Variants in LMNB1 observed in about 807,000 individuals in gnomAD.
LMNB1 encodes lamin-B1.
Under a neutral mutation model 67.1 loss-of-function variants are expected in LMNB1, and 23 were observed. The observed-to-expected ratio is 0.34, with a 90% CI of 0.25 to 0.49. LMNB1 has a LOEUF of 0.49. Among genes scored for constraint, LMNB1 ranks in the 20% least tolerant of loss-of-function variants. The probability of loss-of-function intolerance (pLI) is 0.99; values close to 1 mark genes in which losing one functional copy is unlikely to be tolerated. For synonymous variants in LMNB1, 281 were observed against 282.9 expected, an observed-to-expected ratio of 0.99 and a Z score of 0.07; for missense variants, 634 against 746.5, an observed-to-expected ratio of 0.85 and a Z score of 1.76.
intron 1 of LMNB1, among the ~76,000 whole-genome samples, chr5:126,779,057 ATTTC>A (rs1750557064): frequency 1.3e-5 from 2 of 152,126 alleles, no homozygotes; most frequent in African/African-American, 4.8e-5. Flanking sequence ...GCCAGCTGAA[ATTTC>A]TGGAGGTACC....
chr5:126,834,559 A>ATGGTGATCT (rs1752206339), intron 10 of LMNB1, among the ~76,000 whole-genome samples: 1 of 152,274 alleles, frequency 6.6e-6, no homozygotes, highest in Admixed American at 6.5e-5. Context: ...CAAAGAATTC[A>ATGGTGATCT]TGGTGATCTT....
intron 5 of LMNB1, among the ~76,000 whole-genome samples, chr5:126,816,773 T>G (rs1224003520): frequency 6.6e-6 from 1 of 152,236 alleles, no homozygotes; most frequent in East Asian, 1.9e-4. Flanking sequence ...TTCACGTGAT[T>G]AGACTGGGGT....
intron 1 of LMNB1, among the ~76,000 whole-genome samples, chr5:126,800,982 A>ATATATATATATATATATTATTTTTTTTTT: frequency 5.4e-5 from 1 of 18,632 alleles, no homozygotes; most frequent in Admixed American, 9.5e-4. Flanking sequence ...TATATATATA[A>ATATATATATATATATATTATTTTTTTTTT]TTTTTTTTTT....
rs1032609414 is a variant in LMNB1 at position 126,791,388 on chromosome 5, A to C, written c.360-13388A>C. Among the ~76,000 whole-genome samples the C allele has an allele frequency of 4.6e-5, 7 of 151,936 alleles. 1 individual carries two copies. The highest frequency in any genetic ancestry group is 1.7e-4 in the African/African-American group (7 of 41,296). On this transcript the variant is annotated intron_variant, in intron 1 of 10. Transcript: ENST00000261366. ...CTTTTTTAAAAAATATTTTTTCTCT[A>C]CTAAGAGATGTTCTCAATTTTGTTT...
At chr5:126,790,432 A>G (rs1310589672) in intron 1 of LMNB1, among the ~76,000 whole-genome samples, 1 of 152,134 alleles carries the variant, frequency 6.6e-6, no homozygotes, top group African/African-American at 2.4e-5. Flanking sequence ...ATTTGTGCAG[A>G]ATGCAGGAGT....
chr5:126,830,423 A>C (rs1274616647), intron 9 of LMNB1, among the ~76,000 whole-genome samples: 1 of 151,668 alleles, frequency 6.6e-6, no homozygotes, highest in Non-Finnish European at 1.5e-5. Context: ...CTTGATCTAA[A>C]CCTCCCAACA....
At chr5:126,834,770 G>A (rs182193503) in intron 10 of LMNB1, among the ~76,000 whole-genome samples, 25 of 152,262 alleles carry the variant, frequency 1.6e-4, no homozygotes, top group Non-Finnish European at 3.1e-4. Flanking sequence ...CAGCTACTCG[G>A]GAGGCTGAGG....
intron 1 of LMNB1, among the ~76,000 whole-genome samples, chr5:126,795,130 C>CTTTTTTTTTTTTT (rs55837872): frequency 0.021 from 2,670 of 128,656 alleles, 48 homozygotes; most frequent in Non-Finnish European, 0.03. Context: ...ATTCCTTTTC[C>CTTTTTTTTTTTTT]TTTTTTTTTT....
chr5:126,827,455 G>A (rs776101557), intron 9 of LMNB1, among the ~76,000 whole-genome samples: 29 of 152,330 alleles, frequency 1.9e-4, no homozygotes, highest in South Asian at 1.0e-3. Flanking sequence ...GAGGTCAGGA[G>A]TTAGAGACCA....
intron 8 of LMNB1, among the ~76,000 whole-genome samples, chr5:126,824,241 C>A (rs1285535572): frequency 6.6e-5 from 10 of 152,050 alleles, no homozygotes. Context: ...AATATGAGAA[C>A]CACATGTGTA....
intron 1 of LMNB1, among the ~76,000 whole-genome samples, chr5:126,798,517 G>C (rs192196940): frequency 6.6e-6 from 1 of 152,300 alleles, no homozygotes; most frequent in East Asian, 1.9e-4. Flanking sequence ...GGAGACATGG[G>C]TGTAACCTTA....
At chr5:126,782,976 A>G (rs1325051448) in intron 1 of LMNB1, among the ~76,000 whole-genome samples, 1 of 151,604 alleles carries the variant, frequency 6.6e-6, no homozygotes, top group African/African-American at 2.4e-5. Flanking sequence ...CTGAGGTGGG[A>G]GGGTCATGAG....
At chr5:126,829,608 A>C (rs1488043156) in intron 9 of LMNB1, among the ~76,000 whole-genome samples, 1 of 151,764 alleles carries the variant, frequency 6.6e-6, no homozygotes, top group Non-Finnish European at 1.5e-5. Context: ...GTTTGTTAAA[A>C]GAATGGACAA....
At chr5:126,833,171 A>G (rs909771848) in intron 10 of LMNB1, among the ~76,000 whole-genome samples, 1 of 152,232 alleles carries the variant, frequency 6.6e-6, no homozygotes, top group African/African-American at 2.4e-5. Flanking sequence ...ATCTGCATAT[A>G]AACTTTAAAA....
At chr5:126,830,318 A>T (rs1752103380) in intron 9 of LMNB1, among the ~76,000 whole-genome samples, 1 of 152,240 alleles carries the variant, frequency 6.6e-6, no homozygotes, top group Non-Finnish European at 1.5e-5. Flanking sequence ...TTATAGACAG[A>T]GTAAAGCCTG....
chr5:126,809,864 T>C (rs1397474775), intron 3 of LMNB1, among the ~76,000 whole-genome samples: 1 of 152,236 alleles, frequency 6.6e-6, no homozygotes, highest in Non-Finnish European at 1.5e-5. Flanking sequence ...GTATACTGTG[T>C]ATAAATCCTT....
intron 1 of LMNB1, among the ~76,000 whole-genome samples, chr5:126,790,971 A>AGGTGATCCACCTGGCT (rs1286668720): frequency 6.6e-6 from 1 of 152,054 alleles, no homozygotes; most frequent in Non-Finnish European, 1.5e-5. Context: ...CAATGAGCCC[A>AGGTGATCCACCTGGCT]GGTCGCGCCA....
Position 126,791,025 on chromosome 5 carries a change from A to G in LMNB1, c.359+13158A>G, listed in dbSNP as rs191702788. 6.6e-5 allele frequency among the ~76,000 whole-genome samples: 10 copies of G among 152,148 alleles called. No individual in the cohort carries two copies. In the East Asian group the frequency reaches 1.9e-3, roughly 29 times the overall value. On this transcript the variant is annotated intron_variant, in intron 1 of 10. Coordinates refer to ENST00000261366, the MANE Select transcript of LMNB1 (RefSeq NM_005573.4). ...GACAAGAGCGAAACTCTGTCTCAAT[A>G]AATAAATAAATAAACAAATAAACAA...
intron 5 of LMNB1, among the ~76,000 whole-genome samples, chr5:126,816,189 G>A (rs1466062386): frequency 2.6e-5 from 4 of 151,972 alleles, no homozygotes; most frequent in African/African-American, 7.3e-5. Flanking sequence ...TTTTGCAAAC[G>A]CAGTTAAATG....
Sources: allele counts gnomAD v4.1 joint callset (sites outside exome capture counted in the v4.1 genomes callset), GRCh38; gene constraint gnomAD v4.1.1; transcripts MANE v1.5; gene names NCBI Gene and HGNC (gene_info 2026-07-23, HGNC 2026-07-21).